The following GNPTAB variants were observed in gnomAD, a reference collection of about 807,000 sequenced individuals.
The protein encoded by GNPTAB is N-acetylglucosamine-1-phosphate transferase subunits alpha and beta.
In GNPTAB, 92 loss-of-function variants were observed where a neutral mutation model predicts 136.6. The ratio of observed to expected loss-of-function variants is 0.67; its 90% CI spans 0.57 to 0.80. The LOEUF (loss-of-function observed/expected upper bound fraction) is 0.80. Ranked by LOEUF, GNPTAB falls within the 30% of genes least tolerant of loss-of-function variation. The pLI is 0.00. For missense variants in GNPTAB, 1,343 were observed against 1,501.8 expected, an observed-to-expected ratio of 0.89 and a Z score of 1.75; for synonymous variants, 512 against 535.1, an observed-to-expected ratio of 0.96 and a Z score of 0.60.
chr12:101,830,613 G>A lies in GNPTAB; in HGVS notation c.63C>T (p.Tyr21=), dbSNP rs1193501128. 3 of 1,613,118 alleles carry A rather than the reference G, an allele frequency of 1.9e-6. No homozygotes were observed. Among genetic ancestry groups the A allele is most frequent in the Non-Finnish European group, 2.5e-6 (3 of 1,179,318 alleles). The stretch of plus-strand genomic sequence containing the variant: ...TGACAACGACGCCCAAGAAGCACAC[G>A]TAGAGCCCATACCTGTGGGACAGGC... ...YTCLSHRYGL[Y]VCFLGVVVTI... is the part of the protein sequence containing the mutation. The change falls in exon 1 of 21, where the codon TAC becomes TAT. Residue 21 remains tyrosine (Y), a synonymous_variant. Transcript: ENST00000299314.
intron 1 of GNPTAB, among the ~76,000 whole-genome samples, chr12:101,829,902 G>C (rs1871277241): frequency 6.6e-6 from 1 of 151,184 alleles, no homozygotes; most frequent in Non-Finnish European, 1.5e-5. Context: ...CTTCTCTTAC[G>C]GAGCTTACAA....
intron 3 of GNPTAB, among the ~76,000 whole-genome samples, chr12:101,789,554 G>A (rs968611136): frequency 6.6e-5 from 10 of 152,078 alleles, no homozygotes; most frequent in Non-Finnish European, 1.0e-4. Flanking sequence ...ATACAATCAC[G>A]GCTCACTGCA....
At chr12:101,817,362 G>A (rs1870562164) in intron 1 of GNPTAB, among the ~76,000 whole-genome samples, 2 of 149,498 alleles carry the variant, frequency 1.3e-5, no homozygotes, top group Non-Finnish European at 1.5e-5. Flanking sequence ...CAATCTCCTG[G>A]GCTCCAGTGA....
At chr12:101,812,274 A>G (rs1413393555) in intron 1 of GNPTAB, among the ~76,000 whole-genome samples, 1 of 151,944 alleles carries the variant, frequency 6.6e-6, no homozygotes, top group East Asian at 2.0e-4. Context: ...TAAAATAAAC[A>G]ACCAGATCTG....
chr12:101,830,004 CAA>C (rs35884808), intron 1 of GNPTAB, among the ~76,000 whole-genome samples: 219 of 106,130 alleles, frequency 2.1e-3, no homozygotes, highest in African/African-American at 6.7e-3. Context: ...AACCTCCTAC[CAA>C]AAAAAAAAAA....
intron 10 of GNPTAB, among the ~76,000 whole-genome samples, chr12:101,768,880 C>G (rs927121431): frequency 2.0e-5 from 3 of 152,170 alleles, no homozygotes; most frequent in African/African-American, 7.2e-5. Flanking sequence ...ATTTAAGCCT[C>G]CTTTGCTCAC....
intron 1 of GNPTAB, among the ~76,000 whole-genome samples, chr12:101,823,609 CAAAAAAAAAA>C (rs5800490): frequency 1.1e-5 from 1 of 91,350 alleles, no homozygotes. Flanking sequence ...GACTCCGTCT[CAAAAAAAAAA>C]AAAAAAAAAA....
intron 1 of GNPTAB, among the ~76,000 whole-genome samples, chr12:101,825,351 T>C (rs1245965096): frequency 6.6e-6 from 1 of 152,208 alleles, no homozygotes; most frequent in Non-Finnish European, 1.5e-5. Context: ...TCTCAGAGCA[T>C]GAAAATGTTC....
At chr12:101,770,911 C>G in intron 8 of GNPTAB, 85 bp downstream of exon 8, 15 of 1,269,432 alleles carry the variant, frequency 1.2e-5, no homozygotes, top group African/African-American at 1.5e-5. Flanking sequence ...TGTAAGTCCC[C>G]TTCCCTCTTC....
At chr12:101,826,469 A>ATTTTTAATT (rs1433257204) in intron 1 of GNPTAB, among the ~76,000 whole-genome samples, 2 of 150,604 alleles carry the variant, frequency 1.3e-5, no homozygotes, top group African/African-American at 2.4e-5. Context: ...TTTGTTTCTA[A>ATTTTTAATT]TTTTTAATTT....
intron 1 of GNPTAB, among the ~76,000 whole-genome samples, chr12:101,809,297 A>C (rs1034096761): frequency 6.6e-6 from 1 of 152,238 alleles, no homozygotes; most frequent in African/African-American, 2.4e-5. Context: ...CAAGCCGGGA[A>C]AGATGTGAAG....
intron 16 of GNPTAB, among the ~76,000 whole-genome samples, chr12:101,758,789 C>T (rs1952942919): frequency 6.6e-6 from 1 of 152,212 alleles, no homozygotes; most frequent in Admixed American, 6.5e-5. Flanking sequence ...GGTGTCCTAT[C>T]TGCAGTCATT....
chr12:101,826,872 T>A (rs1055303647), intron 1 of GNPTAB, among the ~76,000 whole-genome samples: 1 of 151,886 alleles, frequency 6.6e-6, no homozygotes, highest in Non-Finnish European at 1.5e-5. Flanking sequence ...ATAGACTGAT[T>A]ACCTGCTACC....
At chr12:101,788,364 T>C (rs1307123941) in intron 4 of GNPTAB, among the ~76,000 whole-genome samples, 184 bp downstream of exon 4, 1 of 152,244 alleles carries the variant, frequency 6.6e-6, no homozygotes, top group Non-Finnish European at 1.5e-5. Context: ...ATAACCAGAA[T>C]TCTCAGTCAA....
At chr12:101,782,425 A>G (rs988905706) in intron 5 of GNPTAB, among the ~76,000 whole-genome samples, 4 of 152,172 alleles carry the variant, frequency 2.6e-5, no homozygotes, top group African/African-American at 9.7e-5. Flanking sequence ...AAGTACGTCG[A>G]ATAAAAAAGG....
At position 101,768,144 on chromosome 12, in the gene GNPTAB, G is replaced by A. The variant is rs1468085953; in HGVS notation, c.1301C>T (p.Pro434Leu). ...GCAGCCCTCGGCACAGTTTGGCACA[G>A]GCCATGTCAAATAAACCTACGATAA... ...SKGQKVYLTW[P>L]VPNCAEGCPG... Residue 434 changes from proline (P) to leucine (L), a missense_variant, in exon 11 of 21, where the codon CCT (proline) becomes CTT (leucine). Physicochemically the swap from Pro to Leu is moderately conservative, Grantham distance 98. Transcript: ENST00000299314. 1 of 1,614,130 alleles carries A rather than the reference G, an allele frequency of 6.2e-7. No homozygotes were observed. Among genetic ancestry groups the A allele is most frequent in the Non-Finnish European group, 8.5e-7 (1 of 1,179,994 alleles).
At chr12:101,789,805 GT>G (rs1566087327) in intron 3 of GNPTAB, 132 bp downstream of exon 3, 2 of 974,542 alleles carry the variant, frequency 2.1e-6, no homozygotes, top group Non-Finnish European at 3.3e-6. Flanking sequence ...TTAAAAATCA[GT>G]TTTACCAGAT....
At chr12:101,802,512 T>C (rs1869702619) in intron 1 of GNPTAB, among the ~76,000 whole-genome samples, 1 of 152,006 alleles carries the variant, frequency 6.6e-6, no homozygotes, top group Non-Finnish European at 1.5e-5. Context: ...GCCATGATCC[T>C]GAGGGGGATT....
intron 7 of GNPTAB, among the ~76,000 whole-genome samples, chr12:101,777,939 T>C (rs993783410): frequency 2.0e-5 from 3 of 152,200 alleles, no homozygotes; most frequent in African/African-American, 7.2e-5. Context: ...TGTGATTAGC[T>C]TGATGCTCTG....
Sources: allele counts gnomAD v4.1 joint callset (sites outside exome capture counted in the v4.1 genomes callset), GRCh38; gene constraint gnomAD v4.1.1; transcripts MANE v1.5; gene names NCBI Gene and HGNC (gene_info 2026-07-23, HGNC 2026-07-21).